MAPKAPK5: variants seen among roughly 807,000 people sequenced by gnomAD.
MAPKAPK5 encodes MAPK activated protein kinase 5.
MAPKAPK5 carries 30 observed loss-of-function variants against 65.1 expected under a neutral mutation model. The ratio of observed to expected loss-of-function variants is 0.46; its 90% CI spans 0.34 to 0.63. MAPKAPK5 has a LOEUF of 0.63. Ranked by LOEUF, MAPKAPK5 falls within the 20% of genes least tolerant of loss-of-function variation. MAPKAPK5 has a pLI of 0.01. For synonymous variants in MAPKAPK5, 179 were observed against 204.6 expected (o/e 0.87, Z 1.07); for missense variants, 433 against 581.4 (o/e 0.74, Z 2.63).
rs1016549320 is a variant in MAPKAPK5 at position 111,896,518 on chromosome 12, C to T, written c.*3457C>T. 3.3e-5 allele frequency: 5 copies of T among 152,182 alleles called. No homozygotes were observed. In the South Asian group the frequency reaches 1.0e-3, roughly 32 times the overall value. The allele number at this position is 152,182 out of a possible 1,614,324, so 9.4% of individuals were successfully genotyped here. On this transcript the variant is annotated 3_prime_UTR_variant, in exon 14 of 14. Coordinates refer to ENST00000550735, the MANE Select transcript of MAPKAPK5 (RefSeq NM_003668.4). ...AGCAGTAAATTCTGCTTTAACATAA[C>T]TGTCAGGTTTGCTACTCGAAATTTG...
At chr12:111,864,713 A>C (rs2069547588) in intron 1 of MAPKAPK5, among the ~76,000 whole-genome samples, 1 of 152,200 alleles carries the variant, frequency 6.6e-6, no homozygotes, top group South Asian at 2.1e-4. Flanking sequence ...TCTGTACACA[A>C]AATGGTGGTG....
rs968941862 is a variant in MAPKAPK5, at chr12:111,901,328, C to A, written c.*8267C>A. 4.4e-6 allele frequency: 2 copies of A among 455,784 alleles called. No homozygotes were observed. The highest frequency in any genetic ancestry group is 8.8e-6 in the Non-Finnish European group (2 of 226,754). The allele number at this position is 455,784 out of a possible 1,614,324, so 28.2% of individuals were successfully genotyped here. A position where few individuals can be genotyped will look rare whatever the true frequency, so the allele number is the denominator to read the frequency against. On this transcript the variant is annotated 3_prime_UTR_variant, in exon 14 of 14. Transcript: ENST00000550735. The stretch of plus-strand genomic sequence containing the variant: ...ACTGCCACTGTAATGAAGGGCATGC[C>A]CCCCCTGACTGTGTTACTGCAGGAA...
At chr12:111,850,454 A>G (rs2069044353) in intron 1 of MAPKAPK5, among the ~76,000 whole-genome samples, 1 of 152,200 alleles carries the variant, frequency 6.6e-6, no homozygotes, top group Non-Finnish European at 1.5e-5. Flanking sequence ...AGGAAGGTAA[A>G]GGATCTAAAG....
At chr12:111,881,421 T>C (rs2070219392) in intron 8 of MAPKAPK5, among the ~76,000 whole-genome samples, 2 of 146,088 alleles carry the variant, frequency 1.4e-5, no homozygotes, top group South Asian at 4.4e-4. Flanking sequence ...TTTTTTTTTT[T>C]TGAGACAGAG....
chr12:111,852,648 G>A (rs909939038), intron 1 of MAPKAPK5, among the ~76,000 whole-genome samples: 3 of 152,152 alleles, frequency 2.0e-5, no homozygotes, highest in African/African-American at 7.2e-5. Flanking sequence ...CGTTGTTCAA[G>A]GGTCAAGTAT....
intron 7 of MAPKAPK5, among the ~76,000 whole-genome samples, chr12:111,877,580 C>A (rs532208690): frequency 6.6e-6 from 1 of 152,114 alleles, no homozygotes; most frequent in African/African-American, 2.4e-5. Flanking sequence ...ATATTTTCTT[C>A]GGGAAGTGTC....
At chr12:111,865,226 C>G in intron 1 of MAPKAPK5, 24 bp from the exon 2 acceptor site, 2 of 1,450,550 alleles carry the variant, frequency 1.4e-6, no homozygotes, top group Non-Finnish European at 1.9e-6. Context: ...ATTCTCTGTC[C>G]TCTCCCTTTT....
intron 1 of MAPKAPK5, among the ~76,000 whole-genome samples, chr12:111,858,356 A>G (rs147656735): frequency 9.5e-4 from 144 of 150,852 alleles, no homozygotes; most frequent in African/African-American, 3.1e-3. Flanking sequence ...AAATATTCCC[A>G]CCTCCCCCAT....
At chr12:111,880,661 C>T in intron 8 of MAPKAPK5, 134 bp downstream of exon 8, 1 of 706,918 alleles carries the variant, frequency 1.4e-6, no homozygotes, top group Non-Finnish European at 2.4e-6. Context: ...AGCAGCCAGA[C>T]TCGCAGAAAA....
chr12:111,850,660 G>T (rs11066049), intron 1 of MAPKAPK5, among the ~76,000 whole-genome samples: 358 of 152,208 alleles, frequency 2.4e-3, no homozygotes, highest in African/African-American at 7.6e-3. Context: ...AAAATGCCCT[G>T]TTCTGGGGAA....
intron 1 of MAPKAPK5, among the ~76,000 whole-genome samples, chr12:111,863,144 G>A (rs973210467): frequency 6.6e-6 from 1 of 152,098 alleles, no homozygotes; most frequent in Non-Finnish European, 1.5e-5. Flanking sequence ...GGTAGAGGAC[G>A]CCAGAGCCAT....
intron 1 of MAPKAPK5, among the ~76,000 whole-genome samples, chr12:111,847,544 C>G (rs775383628): frequency 7.2e-5 from 11 of 151,880 alleles, no homozygotes; most frequent in African/African-American, 2.7e-4. Flanking sequence ...TTATGTATAG[C>G]GAGTCGTTAA....
intron 1 of MAPKAPK5, among the ~76,000 whole-genome samples, chr12:111,863,663 A>G (rs528696987): frequency 7.3e-5 from 11 of 150,692 alleles, no homozygotes; most frequent in Admixed American, 2.7e-4. Context: ...CTGGAGTGCA[A>G]TGGCGTGATC....
chr12:111,890,416 G>A (rs1192576891), intron 13 of MAPKAPK5, among the ~76,000 whole-genome samples: 4 of 151,984 alleles, frequency 2.6e-5, no homozygotes, highest in Non-Finnish European at 4.4e-5. Flanking sequence ...CACCACTTGG[G>A]TAAAAAAAAC....
rs984393716 is a variant in MAPKAPK5 at position 111,881,742 on chromosome 12, C to G, written c.660+1215C>G. Among the ~76,000 whole-genome samples, 8 of 152,234 alleles carry G rather than the reference C, an allele frequency of 5.3e-5. No homozygotes were observed. The East Asian group carries it at 1.5e-3, about 29-fold the overall frequency. ...TTCTAAAGCACAAGAGGTTTAGGGC[C>G]TCTAGAAATAGGCCCTGGAGTCACT... On this transcript the variant is annotated intron_variant, in intron 8 of 13. Coordinates refer to ENST00000550735, the MANE Select transcript of MAPKAPK5 (RefSeq NM_003668.4).
At chr12:111,857,465 C>T (rs2069282387) in intron 1 of MAPKAPK5, among the ~76,000 whole-genome samples, 2 of 152,174 alleles carry the variant, frequency 1.3e-5, no homozygotes, top group Admixed American at 1.3e-4. Context: ...GTTGGCCAGG[C>T]TGGTCTTGAA....
At chr12:111,868,398 G>A (rs1035567114) in intron 4 of MAPKAPK5, among the ~76,000 whole-genome samples, 2 of 152,070 alleles carry the variant, frequency 1.3e-5, no homozygotes, top group African/African-American at 4.8e-5. Flanking sequence ...AGGACTTGAA[G>A]GAAGGGTAGG....
intron 1 of MAPKAPK5, among the ~76,000 whole-genome samples, chr12:111,864,114 A>T (rs1174873714): frequency 1.3e-5 from 2 of 152,122 alleles, no homozygotes; most frequent in Non-Finnish European, 2.9e-5. Flanking sequence ...AAAAAAAGAA[A>T]AAAGAAAAAA....
intron 1 of MAPKAPK5, among the ~76,000 whole-genome samples, chr12:111,853,104 G>T (rs1294670802): frequency 6.6e-6 from 1 of 151,990 alleles, no homozygotes; most frequent in African/African-American, 2.4e-5. Context: ...TCTTCTTCAC[G>T]CCTGTAATCC....
Sources: gnomAD v4.1 joint callset for allele counts (sites outside exome capture counted in the v4.1 genomes callset) on GRCh38, gnomAD v4.1.1 for gene constraint, MANE v1.5 for transcripts, NCBI Gene and HGNC (gene_info 2026-07-23, HGNC 2026-07-21) for gene names.